CSMD1: variants seen among roughly 807,000 people sequenced by gnomAD.
CSMD1 encodes CUB and sushi domain-containing protein 1.
A neutral mutation model predicts 417.5 loss-of-function variants in CSMD1; 213 were observed. That is an observed-to-expected ratio of 0.51 (90% CI 0.46 to 0.57). CSMD1 has a LOEUF of 0.57. Among genes scored for constraint, CSMD1 ranks in the 20% least tolerant of loss-of-function variants. The pLI is 0.00. For synonymous variants in CSMD1, 2,862 were observed against 1,736.8 expected, an observed-to-expected ratio of 1.65 and a Z score of -16.11; for missense variants, 6,923 against 4,529.7, an observed-to-expected ratio of 1.53 and a Z score of -15.17.
intron 25 of CSMD1, among the ~76,000 whole-genome samples, chr8:3,294,181 C>G (rs868517698): frequency 1.1e-4 from 16 of 152,278 alleles, no homozygotes; most frequent in African/African-American, 3.4e-4. Flanking sequence ...GATCATTCCT[C>G]TGGAAGTTTT....
chr8:4,183,079 C>G (rs1474170158), intron 3 of CSMD1, among the ~76,000 whole-genome samples: 2 of 152,258 alleles, frequency 1.3e-5, no homozygotes, highest in East Asian at 1.9e-4. Flanking sequence ...ATGTCACACT[C>G]ATATCACAGC....
At chr8:3,469,488 T>C (rs750821723) in intron 11 of CSMD1, among the ~76,000 whole-genome samples, 3 of 152,192 alleles carry the variant, frequency 2.0e-5, no homozygotes, top group African/African-American at 4.8e-5. Context: ...GCATTCATTG[T>C]GCATTAACAA....
At chr8:3,863,769 T>C (rs1426292108) in intron 5 of CSMD1, among the ~76,000 whole-genome samples, 1 of 152,220 alleles carries the variant, frequency 6.6e-6, no homozygotes, top group Non-Finnish European at 1.5e-5. Context: ...GAAGAGAATT[T>C]TCTACTAGTT....
intron 2 of CSMD1, among the ~76,000 whole-genome samples, chr8:4,567,612 T>C (rs1323156286): frequency 6.6e-6 from 1 of 152,176 alleles, no homozygotes; most frequent in Non-Finnish European, 1.5e-5. Flanking sequence ...GAGTGCTCTG[T>C]GCAATTATTA....
intron 4 of CSMD1, among the ~76,000 whole-genome samples, chr8:4,011,690 G>C (rs1816548388): frequency 6.6e-6 from 1 of 152,122 alleles, no homozygotes; most frequent in Non-Finnish European, 1.5e-5. Flanking sequence ...GAAATAATTA[G>C]AAAGTCACAA....
chr8:4,249,275 T>G (rs991439796), intron 3 of CSMD1, among the ~76,000 whole-genome samples: 1 of 152,214 alleles, frequency 6.6e-6, no homozygotes, highest in African/African-American at 2.4e-5. Flanking sequence ...TGTCTTTTAC[T>G]TCTAAAGTTA....
intron 54 of CSMD1, among the ~76,000 whole-genome samples, chr8:2,982,695 T>C (rs1387567520): frequency 6.6e-6 from 1 of 152,250 alleles, no homozygotes; most frequent in Non-Finnish European, 1.5e-5. Flanking sequence ...CACTAACCAG[T>C]GTTTCCCTTT....
intron 5 of CSMD1, among the ~76,000 whole-genome samples, chr8:3,759,636 G>C (rs1305359944): frequency 6.6e-6 from 1 of 151,446 alleles, no homozygotes; most frequent in Admixed American, 6.6e-5. Flanking sequence ...GCTCACACCT[G>C]TAATTTCAGC....
intron 40 of CSMD1, among the ~76,000 whole-genome samples, chr8:3,149,842 C>A (rs76295802): frequency 0.074 from 11,263 of 152,184 alleles, 472 homozygotes; most frequent in East Asian, 0.097. Context: ...TTTAAAAAAA[C>A]CACACCTCCT....
At position 4,178,684 on chromosome 8, in the gene CSMD1, A is replaced by C. The variant is rs572047614; in HGVS notation, c.416-146585T>G. Among the ~76,000 whole-genome samples, 706 of 152,296 alleles carry C rather than the reference A, an allele frequency of 4.6e-3. 7 individuals carry two copies. The highest frequency in any genetic ancestry group is 0.016 in the African/African-American group (672 of 41,558). On this transcript the variant is annotated intron_variant, in intron 3 of 69. Coordinates refer to ENST00000635120, the MANE Select transcript of CSMD1 (RefSeq NM_033225.6). ...TATGATTGTTTATCTAGAAAACCCCACTGTCTCAGCCCAAAATCTCCTTAA... is the reference window on the plus strand; with the variant it reads ...TATGATTGTTTATCTAGAAAACCCCCCTGTCTCAGCCCAAAATCTCCTTAA...
chr8:4,880,716 T>C (rs1333277969), intron 1 of CSMD1, among the ~76,000 whole-genome samples: 2 of 152,070 alleles, frequency 1.3e-5, no homozygotes, highest in Non-Finnish European at 2.9e-5. Flanking sequence ...TAATCATAAA[T>C]ATCCCACGTG....
chr8:3,967,031 G>A (rs1434392256), intron 5 of CSMD1, among the ~76,000 whole-genome samples: 5 of 152,232 alleles, frequency 3.3e-5, no homozygotes, highest in Admixed American at 6.5e-5. Flanking sequence ...CTCCAAGGCC[G>A]TTTTAGTTGA....
chr8:3,642,713 T>A (rs986935598), intron 7 of CSMD1, among the ~76,000 whole-genome samples: 2 of 152,244 alleles, frequency 1.3e-5, no homozygotes, highest in South Asian at 2.1e-4. Context: ...ATTTAACATA[T>A]ATCTATTAGT....
intron 10 of CSMD1, among the ~76,000 whole-genome samples, chr8:3,560,201 G>A (rs559089183): frequency 2.8e-4 from 42 of 152,202 alleles, no homozygotes; most frequent in African/African-American, 9.9e-4. Flanking sequence ...GGAATGCAAA[G>A]AAATTCAAGG....
chr8:3,092,959 T>C (rs1014327611), intron 47 of CSMD1, among the ~76,000 whole-genome samples: 2 of 152,200 alleles, frequency 1.3e-5, no homozygotes, highest in African/African-American at 4.8e-5. Flanking sequence ...TTTGTTGTTA[T>C]ACCTAAAATT....
intron 3 of CSMD1, among the ~76,000 whole-genome samples, chr8:4,128,068 A>C (rs1267388228): frequency 6.6e-6 from 1 of 152,188 alleles, no homozygotes; most frequent in Non-Finnish European, 1.5e-5. Flanking sequence ...GCAGTGGACA[A>C]GACCTCAAAA....
At chr8:4,735,818 A>G (rs74904814) in intron 1 of CSMD1, among the ~76,000 whole-genome samples, 7 of 152,154 alleles carry the variant, frequency 4.6e-5, no homozygotes, top group Non-Finnish European at 7.4e-5. Context: ...TAGATCTTCA[A>G]TGGTGGTTCT....
chr8:4,706,623 C>G lies in CSMD1; in HGVS notation c.86-69065G>C, dbSNP rs545740595. 3.9e-5 allele frequency among the ~76,000 whole-genome samples: 6 copies of G among 152,252 alleles called. No individual in the cohort carries two copies. In the South Asian group the frequency reaches 1.2e-3, roughly 32 times the overall value. On this transcript the variant is annotated intron_variant, in intron 1 of 69. Coordinates refer to ENST00000635120, the MANE Select transcript of CSMD1 (RefSeq NM_033225.6). ...TTAGGAAGTGTCTAGTTAGTATAAA[C>G]AGTATTTTAGGAGTGAAGAAATAAA... is the stretch of plus-strand genomic sequence containing the variant.
chr8:3,819,099 A>C (rs1207214461), intron 5 of CSMD1, among the ~76,000 whole-genome samples: 4 of 152,166 alleles, frequency 2.6e-5, no homozygotes, highest in African/African-American at 9.7e-5. Context: ...GTAGAGAGAA[A>C]AGTGTAGGAG....
Sources: allele counts gnomAD v4.1 joint callset (sites outside exome capture counted in the v4.1 genomes callset), GRCh38; gene constraint gnomAD v4.1.1; transcripts MANE v1.5; gene names NCBI Gene and HGNC (gene_info 2026-07-23, HGNC 2026-07-21).